The following PRELID2 variants were observed in gnomAD, a reference collection of about 807,000 sequenced individuals.
The protein encoded by PRELID2 is PRELI domain containing 2.
Under a neutral mutation model 28.4 loss-of-function variants are expected in PRELID2, and 25 were observed. That is an observed-to-expected ratio of 0.88 (90% CI 0.64 to 1.23). The LOEUF (loss-of-function observed/expected upper bound fraction) is 1.23, where lower values mean the gene tolerates loss of function less well. PRELID2 is among the 50% of genes most tolerant of loss of function. PRELID2 has a pLI of 0.00. For missense variants in PRELID2, 201 were observed against 214.4 expected (o/e 0.94, Z 0.39); for synonymous variants, 76 against 71.6 (o/e 1.06, Z -0.31).
intron 1 of PRELID2, among the ~76,000 whole-genome samples, chr5:145,547,837 G>A (rs1580974233): frequency 6.6e-6 from 1 of 152,284 alleles, no homozygotes; most frequent in East Asian, 1.9e-4. Context: ...TTTCATCAGA[G>A]TATAGTCATA....
At chr5:145,669,189 T>C (rs995727416) in intron 1 of PRELID2, among the ~76,000 whole-genome samples, 2 of 152,066 alleles carry the variant, frequency 1.3e-5, no homozygotes, top group South Asian at 2.1e-4. Context: ...AAAATATTGG[T>C]TTCAGATTAT....
intron 1 of PRELID2, among the ~76,000 whole-genome samples, chr5:145,502,659 A>G (rs1396755603): frequency 6.6e-6 from 1 of 152,136 alleles, no homozygotes; most frequent in African/African-American, 2.4e-5. Flanking sequence ...CGTCTCATTC[A>G]TCTCTTTTGC....
intron 4 of PRELID2, among the ~76,000 whole-genome samples, chr5:145,815,538 C>T (rs1275751851): frequency 6.6e-6 from 1 of 152,196 alleles, no homozygotes; most frequent in Non-Finnish European, 1.5e-5. Flanking sequence ...AAAAAAGAAA[C>T]TCCGTACCAA....
intron 4 of PRELID2, among the ~76,000 whole-genome samples, chr5:145,811,589 T>G (rs999236086): frequency 1.3e-5 from 2 of 151,946 alleles, no homozygotes; most frequent in African/African-American, 4.8e-5. Context: ...GGAGCAGAGG[T>G]AGGATTCTAA....
the PRELID2 span, among the ~76,000 whole-genome samples, chr5:145,303,844 G>A: frequency 2.6e-5 from 4 of 152,162 alleles, no homozygotes; most frequent in Non-Finnish European, 5.9e-5. Flanking sequence ...AGGGACAAGA[G>A]AGTCTGTTGG....
chr5:145,267,539 A>C, the PRELID2 span, among the ~76,000 whole-genome samples: 4 of 151,982 alleles, frequency 2.6e-5, no homozygotes, highest in Admixed American at 2.6e-4. Flanking sequence ...TAAGCACAAC[A>C]TTTTCTTTAT....
At chr5:145,823,158 A>T (rs1470722550) in intron 1 of PRELID2, 24 bp from the exon 2 acceptor site, 6 of 1,114,938 alleles carry the variant, frequency 5.4e-6, no homozygotes, top group Non-Finnish European at 6.9e-6. Context: ...TATAAAAAAG[A>T]ATTACCATTA....
intron 1 of PRELID2, among the ~76,000 whole-genome samples, chr5:145,708,659 T>A (rs1361283049): frequency 1.3e-5 from 2 of 152,182 alleles, no homozygotes; most frequent in African/African-American, 4.8e-5. Context: ...AGAAGATGTG[T>A]TTTCCCCCAT....
At chr5:145,353,462 C>CA in the PRELID2 span, among the ~76,000 whole-genome samples, 1,487 of 141,416 alleles carry the variant, frequency 0.011, 33 homozygotes, top group African/African-American at 0.035. Flanking sequence ...GAATCCATCT[C>CA]AAAAAAAAAA....
chr5:145,590,794 GA>G (rs774306191), intron 1 of PRELID2, among the ~76,000 whole-genome samples: 23 of 152,028 alleles, frequency 1.5e-4, no homozygotes, highest in Middle Eastern at 3.4e-3. Flanking sequence ...CCATCCCGAG[GA>G]AAACTCTGGC....
chr5:145,372,314 T>G, the PRELID2 span, among the ~76,000 whole-genome samples: 1 of 152,120 alleles, frequency 6.6e-6, no homozygotes, highest in African/African-American at 2.4e-5. Context: ...AAGAGACTGT[T>G]TGTTACAGTT....
chr5:145,604,653 C>T lies in PRELID2; in HGVS notation n.71-131338G>A, dbSNP rs1236976355. 1.2e-4 allele frequency among the ~76,000 whole-genome samples: 18 copies of T among 150,842 alleles called. No homozygotes were observed. In the East Asian group the frequency reaches 3.3e-3, roughly 28 times the overall value. ...CTAAGTTCTTTGAGAAATCACCACA[C>T]TACTTTTCACAATGGCTAAACTAAT... On this transcript the variant is annotated intron_variant and non_coding_transcript_variant, in intron 1 of 2. Transcript: ENST00000510259.
At position 145,489,080 on chromosome 5, in the gene PRELID2, C is replaced by T. The variant is rs560870492; in HGVS notation, n.71-15765G>A. ...AAGATGGAGCCTAGCAATTCAGCTA[C>T]AGTACCCTATCTATGAGTGATGGCA... On this transcript the variant is annotated intron_variant and non_coding_transcript_variant, in intron 1 of 2. Coordinates refer to the PRELID2 transcript ENST00000510259. Among the ~76,000 whole-genome samples the T allele has an allele frequency of 3.3e-5, 5 of 152,298 alleles. No homozygotes were observed. The East Asian group carries it at 7.7e-4, about 24-fold the overall frequency.
At chr5:145,381,349 G>A in the PRELID2 span, among the ~76,000 whole-genome samples, 3 of 152,116 alleles carry the variant, frequency 2.0e-5, no homozygotes, top group Non-Finnish European at 4.4e-5. Context: ...AAAAGAGAAT[G>A]GCACAGAGTG....
At chr5:145,621,463 A>T (rs1454232147) in intron 1 of PRELID2, among the ~76,000 whole-genome samples, 1 of 152,192 alleles carries the variant, frequency 6.6e-6, no homozygotes, top group Non-Finnish European at 1.5e-5. Context: ...TTTTAGCAAC[A>T]TTAGTGATAA....
rs1367148137 is a variant in PRELID2, at chr5:145,721,353, G to A, written n.70+43578C>T. On this transcript the variant is annotated intron_variant and non_coding_transcript_variant, in intron 1 of 2. Transcript: ENST00000510259. ...TGAGAACAGCTATTGTATAGATCAAGGGGAGGAGTCAAGGGTATGTCAGAA... is the reference window on the plus strand; with the variant it reads ...TGAGAACAGCTATTGTATAGATCAAAGGGAGGAGTCAAGGGTATGTCAGAA... Among the ~76,000 whole-genome samples, 3 of 152,166 alleles carry A rather than the reference G, an allele frequency of 2.0e-5. No individual in the cohort carries two copies. The South Asian group carries it at 6.2e-4, about 31-fold the overall frequency.
chr5:145,314,964 T>TTATGA, the PRELID2 span, among the ~76,000 whole-genome samples: 1 of 151,996 alleles, frequency 6.6e-6, no homozygotes, highest in Non-Finnish European at 1.5e-5. Flanking sequence ...ATTGTATGGC[T>TTATGA]TATGATTTCT....
chr5:145,778,658 G>A (rs1025819683), intron 5 of PRELID2, among the ~76,000 whole-genome samples: 1 of 152,186 alleles, frequency 6.6e-6, no homozygotes, highest in Non-Finnish European at 1.5e-5. Flanking sequence ...CCTGTCCCAC[G>A]GCAGCAGCTG....
At chr5:145,409,649 C>T in the PRELID2 span, among the ~76,000 whole-genome samples, 1 of 150,546 alleles carries the variant, frequency 6.6e-6, no homozygotes, top group African/African-American at 2.4e-5. Flanking sequence ...TGTGGTGGCT[C>T]ATGCCTGTAA....
Sources: gnomAD v4.1 joint callset for allele counts (sites outside exome capture counted in the v4.1 genomes callset) on GRCh38, gnomAD v4.1.1 for gene constraint, MANE v1.5 for transcripts, NCBI Gene and HGNC (gene_info 2026-07-23, HGNC 2026-07-21) for gene names.